The following RPGRIP1 variants were observed in gnomAD, a reference collection of about 807,000 sequenced individuals.
RPGRIP1 encodes X-linked retinitis pigmentosa GTPase regulator-interacting protein 1.
A neutral mutation model predicts 157.9 loss-of-function variants in RPGRIP1; 128 were observed. The observed-to-expected ratio is 0.81, with a 90% CI of 0.70 to 0.94. The LOEUF (loss-of-function observed/expected upper bound fraction) is 0.94, where lower values mean the gene tolerates loss of function less well. Among genes scored for constraint, RPGRIP1 ranks in the 40% least tolerant of loss-of-function variants. The probability of loss-of-function intolerance (pLI) is 0.00; values close to 1 mark genes in which losing one functional copy is unlikely to be tolerated. For missense variants in RPGRIP1, 1,486 were observed against 1,545.8 expected (o/e 0.96, Z 0.65); for synonymous variants, 554 against 571.6 (o/e 0.97, Z 0.44).
At chr14:21,335,677 A>G (rs1257823144) in intron 21 of RPGRIP1, among the ~76,000 whole-genome samples, 1 of 152,078 alleles carries the variant, frequency 6.6e-6, no homozygotes, top group African/African-American at 2.4e-5. Context: ...AAAAATACAA[A>G]AAAATTAGCC....
rs147586703 is a variant in RPGRIP1 at position 21,321,995 on chromosome 14, C to T, written c.1753C>T (p.Pro585Ser). The change falls in exon 14 of 25, where the codon CCA (proline) becomes TCA (serine). Residue 585 changes from proline to serine, a missense_variant. Physicochemically the swap from Pro to Ser is moderately conservative, Grantham distance 74. Transcript: ENST00000400017. ...LEGILRSHDL[P>S]TSEQLKDVAY... ...AGGTATTTTAAGAAGCCATGACCTT[C>T]CAACATCTGGCAAGTCTTAGTCCTT... 2.6e-3 allele frequency: 4,160 copies of T among 1,612,198 alleles called. 3 individuals carry two copies. The highest frequency in any genetic ancestry group is 3.2e-3 in the Non-Finnish European group (3,750 of 1,179,278).
intron 14 of RPGRIP1, among the ~76,000 whole-genome samples, chr14:21,323,052 TG>T (rs368697155): frequency 1.3e-5 from 2 of 152,252 alleles, no homozygotes; most frequent in African/African-American, 4.8e-5. Flanking sequence ...ATGAGGAACT[TG>T]GAACCACAGT....
chr14:21,350,411 A>G (rs966842973), intron 24 of RPGRIP1, among the ~76,000 whole-genome samples: 10 of 151,554 alleles, frequency 6.6e-5, no homozygotes, highest in African/African-American at 2.4e-4. Context: ...ACAGGAATTA[A>G]GAGTACATAG....
chr14:21,329,594 C>T (rs1883507437), intron 19 of RPGRIP1, among the ~76,000 whole-genome samples: 1 of 149,448 alleles, frequency 6.7e-6, no homozygotes, highest in Non-Finnish European at 1.5e-5. Context: ...CTCCGCCTCC[C>T]AGGTTCAAGC....
At chr14:21,285,122 T>C (rs1880253976) in intron 1 of RPGRIP1, among the ~76,000 whole-genome samples, 1 of 151,912 alleles carries the variant, frequency 6.6e-6, no homozygotes, top group South Asian at 2.1e-4. Context: ...TAAACTAGTA[T>C]AAATAAATGA....
intron 22 of RPGRIP1, 95 bp from the exon 23 acceptor site, chr14:21,345,018 T>TA: frequency 1.2e-6 from 1 of 808,348 alleles, no homozygotes; most frequent in South Asian, 1.4e-5. Context: ...CTAATCTTTT[T>TA]ATGAAAACTA....
At chr14:21,308,727 G>A (rs561009236) in intron 7 of RPGRIP1, among the ~76,000 whole-genome samples, 2 of 152,318 alleles carry the variant, frequency 1.3e-5, no homozygotes, top group East Asian at 3.9e-4. Context: ...TGAGACAGAG[G>A]GAGAAGGACT....
At position 21,320,141 on chromosome 14, in the gene RPGRIP1, T is replaced by A; in HGVS notation, c.1431T>A (p.Thr477=). 8 of 1,613,866 alleles carry A rather than the reference T, an allele frequency of 5.0e-6. No homozygotes were observed. Among genetic ancestry groups the A allele is most frequent in the Non-Finnish European group, 5.9e-6 (7 of 1,179,856 alleles). Residue 477 remains threonine, a synonymous_variant, in exon 12 of 25, where the codon ACT becomes ACA. Coordinates refer to ENST00000400017, the MANE Select transcript of RPGRIP1 (RefSeq NM_020366.4). ...QPPDRQSEPA[T]HPAVLQENTQ... Reference sequence around the variant, plus strand: ...CTGACAGGCAATCTGAACCAGCCACTCACCCAGCTGTATTGCAAGAGAACA... The same window carrying A: ...CTGACAGGCAATCTGAACCAGCCACACACCCAGCTGTATTGCAAGAGAACA...
At chr14:21,280,863 G>C (rs960787388) in intron 1 of RPGRIP1, among the ~76,000 whole-genome samples, 1 of 151,842 alleles carries the variant, frequency 6.6e-6, no homozygotes, top group African/African-American at 2.4e-5. Context: ...TTGCTCTTTT[G>C]CTCAGAAATG....
At chr14:21,321,588 A>C in intron 13 of RPGRIP1, 186 bp downstream of exon 13, 1 of 1,256,292 alleles carries the variant, frequency 8.0e-7, no homozygotes, top group Non-Finnish European at 1.1e-6. Context: ...GCACCTTGGC[A>C]CTAGGAGCCA....
intron 21 of RPGRIP1, among the ~76,000 whole-genome samples, chr14:21,335,569 G>A (rs528286029): frequency 2.6e-5 from 4 of 152,148 alleles, no homozygotes; most frequent in Admixed American, 6.5e-5. Flanking sequence ...GGTGGCTCAC[G>A]CCTGTAATCC....
chr14:21,323,065 C>A (rs1882672909), intron 14 of RPGRIP1, among the ~76,000 whole-genome samples: 1 of 152,174 alleles, frequency 6.6e-6, no homozygotes, highest in Admixed American at 6.6e-5. Context: ...AACCACAGTT[C>A]AGGGCAGCCC....
chr14:21,313,156 G>T (rs1488023430), intron 10 of RPGRIP1, among the ~76,000 whole-genome samples: 1 of 89,892 alleles, frequency 1.1e-5, no homozygotes, highest in Non-Finnish European at 2.6e-5. Flanking sequence ...TTGGGGGGCT[G>T]GGGGGAATCA....
chr14:21,301,710 TAATAATAATAATAAA>T (rs199750282), intron 4 of RPGRIP1, among the ~76,000 whole-genome samples: 5,328 of 125,708 alleles, frequency 0.042, 249 homozygotes, highest in East Asian at 0.22. Context: ...ATAATAATAA[TAATAATAATAATAAA>T]AAATTAGCCA....
Position 21,343,286 on chromosome 14 carries a change from G to GATTTT in RPGRIP1, c.3532+58_3532+59insATTTT, listed in dbSNP as rs1566366438. 4.4e-5 allele frequency: 59 copies of GATTTT among 1,330,402 alleles called. 1 individual carries two copies. The African/African-American group carries it at 6.9e-4, about 16-fold the overall frequency. The allele number at this position is 1,330,402 out of a possible 1,614,324, so 82.4% of individuals were successfully genotyped here. A position where few individuals can be genotyped will look rare whatever the true frequency, so the allele number is the denominator to read the frequency against. On this transcript the variant is annotated intron_variant, in intron 22 of 24. Coordinates refer to ENST00000400017, the MANE Select transcript of RPGRIP1 (RefSeq NM_020366.4). ...AAGTCTGATGAACATTGAGACTGAG[G>GATTTT]GTCAGAATTACTCTGGATTTTTGTG...
rs113668844 is a variant in RPGRIP1 at position 21,334,463 on chromosome 14, G to A, written c.3239-142G>A. The A allele has an allele frequency of 5.8e-4, 390 of 673,590 alleles. 1 individual carries two copies. Among genetic ancestry groups the A allele is most frequent in the Non-Finnish European group, 9.6e-4 (348 of 363,536 alleles). 41.7% of individuals were successfully genotyped at this position (673,590 alleles called of 1,614,324 possible). Reference sequence around the variant, plus strand: ...AATAAGTGTACCTTTGAAAAAGAGGGTTTGATTCTTAGTAAGTGAAGGCAA... The same window carrying A: ...AATAAGTGTACCTTTGAAAAAGAGGATTTGATTCTTAGTAAGTGAAGGCAA... On this transcript the variant is annotated intron_variant, in intron 20 of 24. Coordinates refer to ENST00000400017, the MANE Select transcript of RPGRIP1 (RefSeq NM_020366.4).
chr14:21,330,546 A>G (rs769301433), intron 20 of RPGRIP1, among the ~76,000 whole-genome samples, 159 bp downstream of exon 20: 2 of 152,102 alleles, frequency 1.3e-5, no homozygotes, highest in East Asian at 1.9e-4. Context: ...GGCGCCTGTA[A>G]TCCCAGCTAC....
Position 21,326,208 on chromosome 14 carries a change from C to G in RPGRIP1, c.2710+35C>G, listed in dbSNP as rs760644012. On this transcript the variant is annotated intron_variant, in intron 17 of 24. Coordinates refer to ENST00000400017, the MANE Select transcript of RPGRIP1 (RefSeq NM_020366.4). ...CGAGGTTATTACATCTTCACGCCCT[C>G]TTCCCAGTGTTGTCTCCCTGTCCTG... 65 of 1,390,888 alleles carry G rather than the reference C, an allele frequency of 4.7e-5. No homozygotes were observed. In the East Asian group the frequency reaches 1.2e-3, roughly 26 times the overall value. The allele number at this position is 1,390,888 out of a possible 1,614,324, so 86.2% of individuals were successfully genotyped here.
At chr14:21,300,219 C>T (rs1177735782) in intron 3 of RPGRIP1, among the ~76,000 whole-genome samples, 1 of 151,178 alleles carries the variant, frequency 6.6e-6, no homozygotes, top group African/African-American at 2.4e-5. Context: ...GCAGGAGAAT[C>T]GCTTGAACTT....
Sources: gnomAD v4.1 joint callset for allele counts (sites outside exome capture counted in the v4.1 genomes callset) on GRCh38, gnomAD v4.1.1 for gene constraint, MANE v1.5 for transcripts, NCBI Gene and HGNC (gene_info 2026-07-23, HGNC 2026-07-21) for gene names.